The following ANKFY1 variants were observed in gnomAD, a reference collection of about 807,000 sequenced individuals.
The protein encoded by ANKFY1 is ankyrin repeat and FYVE domain-containing protein 1.
ANKFY1 carries 47 observed loss-of-function variants against 128.3 expected under a neutral mutation model. The observed-to-expected ratio is 0.37, with a 90% CI of 0.29 to 0.47. The LOEUF (loss-of-function observed/expected upper bound fraction) is 0.47, where lower values mean the gene tolerates loss of function less well. ANKFY1 is among the 20% of genes least tolerant of loss of function. The probability of loss-of-function intolerance (pLI) is 1.00; values close to 1 mark genes in which losing one functional copy is unlikely to be tolerated. For missense variants in ANKFY1, 1,222 were observed against 1,510.6 expected (o/e 0.81, Z 3.17); for synonymous variants, 553 against 601.6 (o/e 0.92, Z 1.18).
intron 2 of ANKFY1, among the ~76,000 whole-genome samples, chr17:4,241,439 G>A (rs1015494004): frequency 1.3e-5 from 2 of 151,618 alleles, no homozygotes; most frequent in Admixed American, 1.3e-4. Flanking sequence ...ACCACCATGC[G>A]CGGCGAATTT....
Position 4,168,040 on chromosome 17 carries a change from A to G in ANKFY1, c.3378-129T>C, listed in dbSNP as rs1013813542. 11 of 975,878 alleles carry G rather than the reference A, an allele frequency of 1.1e-5. No individual in the cohort carries two copies. In the Admixed American group the frequency reaches 1.1e-4, roughly 10 times the overall value. The allele number at this position is 975,878 out of a possible 1,614,324, so 60.5% of individuals were successfully genotyped here. A position where few individuals can be genotyped will look rare whatever the true frequency, so the allele number is the denominator to read the frequency against. On this transcript the variant is annotated intron_variant, in intron 24 of 24. Coordinates refer to ENST00000341657, the MANE Select transcript of ANKFY1 (RefSeq NM_001330063.2). ...CAATGCTACTCTGGCAACTCTGCCA[A>G]CTGCCAGCCCGGTTACCACAATTCA...
At chr17:4,199,570 C>T (rs534735890) in intron 7 of ANKFY1, among the ~76,000 whole-genome samples, 68 of 152,268 alleles carry the variant, frequency 4.5e-4, no homozygotes, top group South Asian at 1.5e-3. Flanking sequence ...ACTACCTTGA[C>T]ATGTTGACAA....
rs111629953 is a variant in ANKFY1, at chr17:4,166,614, C to A, written c.*1165G>T. 6.6e-6 allele frequency: 1 copy of A among 152,436 alleles called. No homozygotes were observed. Among genetic ancestry groups the A allele is most frequent in the African/African-American group, 2.4e-5 (1 of 41,476 alleles). 9.4% of individuals were successfully genotyped at this position (152,436 alleles called of 1,614,324 possible). A position where few individuals can be genotyped will look rare whatever the true frequency, so the allele number is the denominator to read the frequency against. ...GACTTCCAAAGTAAGGTGGCGCACA[C>A]GTGGCCAGGGCCCTTGGCTGGTGGC... On this transcript the variant is annotated 3_prime_UTR_variant, in exon 25 of 25. Transcript: ENST00000341657.
intron 3 of ANKFY1, 66 bp from the exon 4 acceptor site, chr17:4,217,184 T>A: frequency 1.3e-6 from 2 of 1,568,254 alleles, no homozygotes; most frequent in Non-Finnish European, 8.7e-7. Context: ...TCTCAAGGGA[T>A]CCCTAAAATT....
chr17:4,250,237 T>C (rs1159485242), intron 1 of ANKFY1, among the ~76,000 whole-genome samples: 1 of 152,140 alleles, frequency 6.6e-6, no homozygotes, highest in Non-Finnish European at 1.5e-5. Flanking sequence ...GACCCAAATC[T>C]CTCTTTCCTT....
chr17:4,223,596 T>C, intron 3 of ANKFY1: 1 of 1,309,662 alleles, frequency 7.6e-7, no homozygotes, highest in Non-Finnish European at 1.1e-6. Flanking sequence ...GCCTTTGGAG[T>C]GATGCTGTGG....
At chr17:4,172,421 C>T (rs2059337921) in intron 22 of ANKFY1, 135 bp downstream of exon 22, 7 of 1,258,220 alleles carry the variant, frequency 5.6e-6, no homozygotes, top group Non-Finnish European at 6.5e-6. Flanking sequence ...GGCTCTGTAA[C>T]TCACACCCGG....
intron 3 of ANKFY1, among the ~76,000 whole-genome samples, chr17:4,232,671 C>T (rs538018483): frequency 2.0e-5 from 3 of 152,146 alleles, no homozygotes; most frequent in Admixed American, 1.3e-4. Flanking sequence ...TTCCTGAACT[C>T]GAGAAAACTT....
intron 1 of ANKFY1, among the ~76,000 whole-genome samples, chr17:4,258,428 G>C (rs916686888): frequency 6.6e-6 from 1 of 151,398 alleles, no homozygotes; most frequent in Non-Finnish European, 1.5e-5. Flanking sequence ...GGGAGGCTGA[G>C]ATAGGAGAAT....
intron 13 of ANKFY1, 127 bp downstream of exon 13, chr17:4,183,685 G>T: frequency 7.1e-7 from 1 of 1,411,336 alleles, no homozygotes; most frequent in Non-Finnish European, 9.7e-7. Context: ...AACTCAAACA[G>T]AAATGTTATT....
At chr17:4,241,191 A>G (rs1230004344) in intron 2 of ANKFY1, among the ~76,000 whole-genome samples, 1 of 151,946 alleles carries the variant, frequency 6.6e-6, no homozygotes, top group Non-Finnish European at 1.5e-5. Context: ...ACTTCATTTG[A>G]TAGATCAGGA....
intron 6 of ANKFY1, among the ~76,000 whole-genome samples, chr17:4,207,182 A>G (rs565798697): frequency 1.1e-4 from 17 of 149,950 alleles, no homozygotes; most frequent in Admixed American, 4.6e-4. Flanking sequence ...GGCCCGATCT[A>G]TCTAACCACA....
At chr17:4,203,568 C>T (rs2059969693) in intron 7 of ANKFY1, among the ~76,000 whole-genome samples, 1 of 152,026 alleles carries the variant, frequency 6.6e-6, no homozygotes, top group Non-Finnish European at 1.5e-5. Flanking sequence ...TTAATCCCAG[C>T]ACTCTGGGAG....
At chr17:4,204,068 A>G (rs976756416) in intron 7 of ANKFY1, among the ~76,000 whole-genome samples, 1 of 152,128 alleles carries the variant, frequency 6.6e-6, no homozygotes, top group African/African-American at 2.4e-5. Flanking sequence ...ATACTTGGTT[A>G]TTAGGATGAT....
At chr17:4,187,339 T>C (rs560014263) in intron 11 of ANKFY1, 10 of 398,664 alleles carry the variant, frequency 2.5e-5, no homozygotes, top group East Asian at 1.4e-4. Context: ...GGACAGGTCA[T>C]TGCTTGTCAA....
In ANKFY1 at chr17:4,206,500, T is replaced by C; in HGVS notation, c.733-14A>G. 2 of 1,603,148 alleles carry C rather than the reference T, an allele frequency of 1.2e-6. No homozygotes were observed. Among genetic ancestry groups the C allele is most frequent in the African/African-American group, 1.3e-5 (1 of 74,848 alleles). ...CTTCCCAGGGAGCTACACAAACAAG[T>C]TTGTAAATTAGCGCCCAGTGAGTAG... is the stretch of plus-strand genomic sequence containing the variant. On this transcript the variant is annotated splice_polypyrimidine_tract_variant and intron_variant, in intron 6 of 24. Transcript: ENST00000341657.
intron 3 of ANKFY1, among the ~76,000 whole-genome samples, chr17:4,232,759 C>T (rs998444296): frequency 3.3e-5 from 5 of 152,112 alleles, no homozygotes; most frequent in African/African-American, 4.8e-5. Flanking sequence ...AAGCTCTAAA[C>T]GTTTGGATGT....
At chr17:4,249,557 A>C (rs1967726060) in intron 1 of ANKFY1, among the ~76,000 whole-genome samples, 1 of 152,208 alleles carries the variant, frequency 6.6e-6, no homozygotes, top group African/African-American at 2.4e-5. Flanking sequence ...GATTTTAAAG[A>C]ATTAGAACGT....
chr17:4,251,906 C>T (rs1402811749), intron 1 of ANKFY1, among the ~76,000 whole-genome samples: 1 of 151,914 alleles, frequency 6.6e-6, no homozygotes, highest in African/African-American at 2.4e-5. Context: ...CAGTGGCGTG[C>T]GCCTGTAGTC....
Sources: gnomAD v4.1 joint callset for allele counts (sites outside exome capture counted in the v4.1 genomes callset) on GRCh38, gnomAD v4.1.1 for gene constraint, MANE v1.5 for transcripts, NCBI Gene and HGNC (gene_info 2026-07-23, HGNC 2026-07-21) for gene names.